Variants in PPP2R2A observed in about 807,000 individuals in gnomAD.
PPP2R2A encodes protein phosphatase 2 regulatory subunit Balpha, also known as serine/threonine-protein phosphatase 2A 55 kDa regulatory subunit B alpha isoform.
PPP2R2A carries 9 observed loss-of-function variants against 53.2 expected under a neutral mutation model. The ratio of observed to expected loss-of-function variants is 0.17; its 90% CI spans 0.10 to 0.30. The LOEUF is 0.30. PPP2R2A is among the 10% of genes least tolerant of loss of function. The pLI, the probability that PPP2R2A is intolerant of heterozygous loss-of-function variation, is 1.00. For missense variants in PPP2R2A, 235 were observed against 534.6 expected (o/e 0.44, Z 5.53); for synonymous variants, 169 against 174.2 (o/e 0.97, Z 0.23).
rs951566394 is a variant in PPP2R2A at position 26,291,555 on chromosome 8, T to TGCCGCC, written c.-257_-252dup. ...AAGTGGAGTCGCCTGCCCCTGCCGC[T>TGCCGCC]GCCGCCGCCGCCGTCGCTGTCGTAG... is the stretch of plus-strand genomic sequence containing the variant. On this transcript the variant is annotated 5_prime_UTR_variant, in exon 1 of 10. Transcript: ENST00000380737. The TGCCGCC allele has an allele frequency of 2.5e-4, 127 of 502,076 alleles. No homozygotes were observed. The highest frequency in any genetic ancestry group is 9.2e-4 in the Admixed American group (24 of 26,186). 31.1% of individuals were successfully genotyped at this position (502,076 alleles called of 1,614,324 possible).
At chr8:26,336,127 T>C (rs924201319) in intron 2 of PPP2R2A, among the ~76,000 whole-genome samples, 2 of 152,098 alleles carry the variant, frequency 1.3e-5, no homozygotes, top group Non-Finnish European at 2.9e-5. Flanking sequence ...CATAATAAAA[T>C]AGGTAAGGGC....
chr8:26,351,416 C>G (rs529872293), intron 3 of PPP2R2A, among the ~76,000 whole-genome samples: 19 of 152,198 alleles, frequency 1.2e-4, no homozygotes, highest in African/African-American at 4.6e-4. Context: ...GTAGAATTAA[C>G]TTCCTTAGTT....
chr8:26,304,825 G>A (rs1181861956), intron 2 of PPP2R2A, among the ~76,000 whole-genome samples: 1 of 151,986 alleles, frequency 6.6e-6, no homozygotes, highest in Non-Finnish European at 1.5e-5. Flanking sequence ...TGCTTGTTCT[G>A]TCTTTCTTCT....
In PPP2R2A at chr8:26,338,838, G is replaced by C; in HGVS notation, c.83-52G>C. ...AAACACGCTAAGTTCTGAAACTAGT[G>C]AGTCGGGAAAGAAAAACTAATATCT... is the stretch of plus-strand genomic sequence containing the variant. On this transcript the variant is annotated intron_variant, in intron 2 of 9. Transcript: ENST00000380737. The surrounding 1 kb of genome is among the most constrained non-coding windows in gnomAD (Gnocchi z 4.5). The C allele has an allele frequency of 7.8e-7, 1 of 1,287,992 alleles. No individual in the cohort carries two copies. The highest frequency in any genetic ancestry group is 1.1e-6 in the Non-Finnish European group (1 of 905,312). 79.8% of individuals were successfully genotyped at this position (1,287,992 alleles called of 1,614,324 possible). A position where few individuals can be genotyped will look rare whatever the true frequency, so the allele number is the denominator to read the frequency against.
intron 3 of PPP2R2A, among the ~76,000 whole-genome samples, chr8:26,351,058 G>A (rs1804477199): frequency 6.6e-6 from 1 of 152,016 alleles, no homozygotes; most frequent in Admixed American, 6.6e-5. Context: ...TCTGTGACTT[G>A]CCTTTTCATT....
intron 6 of PPP2R2A, among the ~76,000 whole-genome samples, chr8:26,361,537 T>TC (rs1805081832): frequency 6.6e-6 from 1 of 152,074 alleles, no homozygotes. Context: ...GGCCAGGAGT[T>TC]CAAGGTTTAC....
chr8:26,339,032 G>A (rs780854091), intron 3 of PPP2R2A, 45 bp downstream of exon 3: 1 of 1,407,872 alleles, frequency 7.1e-7, no homozygotes, highest in East Asian at 2.3e-5. Flanking sequence ...TTGATCTTAG[G>A]ACTAGAGCTT....
At chr8:26,294,472 G>C (rs1801454957) in intron 2 of PPP2R2A, among the ~76,000 whole-genome samples, 1 of 152,104 alleles carries the variant, frequency 6.6e-6, no homozygotes, top group South Asian at 2.1e-4. Context: ...ATTTGAGATG[G>C]TCTTAGGCAG....
chr8:26,322,625 T>C (rs1285217310), intron 2 of PPP2R2A, among the ~76,000 whole-genome samples: 1 of 151,730 alleles, frequency 6.6e-6, no homozygotes, highest in East Asian at 1.9e-4. Context: ...CCCAGCTGAG[T>C]AGTTAGCATC....
intron 7 of PPP2R2A, 23 bp from the exon 8 acceptor site, chr8:26,363,698 G>T: frequency 1.3e-6 from 2 of 1,537,260 alleles, no homozygotes; most frequent in Admixed American, 1.9e-5. Flanking sequence ...TGCCCTTTTT[G>T]TGTTGTTTTG....
In PPP2R2A at chr8:26,338,193, A is replaced by G. The variant is rs1585377242; in HGVS notation, c.83-697A>G. ...TAATTTAGACTTTTTTTCTTAGGAA[A>G]AGGGCTCTAGTGTGAAAAACCAAGA... On this transcript the variant is annotated intron_variant, in intron 2 of 9. Transcript: ENST00000380737. This position sits in a 1 kb window ranked among gnomAD's most constrained non-coding sequence, Gnocchi z 4.5. Among the ~76,000 whole-genome samples, 1 of 152,118 alleles carries G rather than the reference A, an allele frequency of 6.6e-6. No homozygotes were observed. The highest frequency in any genetic ancestry group is 1.5e-5 in the Non-Finnish European group (1 of 68,016).
intron 3 of PPP2R2A, among the ~76,000 whole-genome samples, chr8:26,347,007 G>A (rs1402357417): frequency 6.6e-6 from 1 of 152,142 alleles, no homozygotes; most frequent in Non-Finnish European, 1.5e-5. Context: ...TCCTTATCTG[G>A]AAGAGAAACT....
intron 9 of PPP2R2A, among the ~76,000 whole-genome samples, chr8:26,367,237 T>C (rs1452232920): frequency 6.6e-6 from 1 of 152,310 alleles, no homozygotes; most frequent in East Asian, 1.9e-4. Flanking sequence ...CCTAGAGTTC[T>C]GTTAATAGCA....
At position 26,362,721 on chromosome 8, in the gene PPP2R2A, A is replaced by G; in HGVS notation, c.675A>G (p.Leu225=). 2 of 1,614,128 alleles carry G rather than the reference A, an allele frequency of 1.2e-6. No homozygotes were observed. The highest frequency in any genetic ancestry group is 1.7e-6 in the Non-Finnish European group (2 of 1,179,996). ...VDIKPANMEE[L]TEVITAAEFH... The stretch of plus-strand genomic sequence containing the variant: ...TCAAGCCTGCCAATATGGAAGAGCT[A>G]ACAGAGGTGATTACAGCAGCAGAAT... The change falls in exon 7 of 10, where the codon CTA becomes CTG. Residue 225 remains leucine, a synonymous_variant. Coordinates refer to ENST00000380737, the MANE Select transcript of PPP2R2A (RefSeq NM_002717.4). This position sits in a 1 kb window ranked among gnomAD's most constrained non-coding sequence, Gnocchi z 4.4.
intron 1 of PPP2R2A, chr8:26,292,195 T>G: frequency 1.8e-6 from 2 of 1,123,962 alleles, no homozygotes; most frequent in Non-Finnish European, 1.1e-6. Flanking sequence ...TTATTTTTTT[T>G]TCCTGCAGGT....
At chr8:26,306,475 G>GA (rs35167661) in intron 2 of PPP2R2A, among the ~76,000 whole-genome samples, 1,087 of 108,122 alleles carry the variant, frequency 0.01, 4 homozygotes, top group Non-Finnish European at 0.014. Flanking sequence ...GACTCTGTCT[G>GA]AAAAAAAAAA....
intron 2 of PPP2R2A, among the ~76,000 whole-genome samples, chr8:26,299,363 A>G (rs995508734): frequency 6.6e-6 from 1 of 152,190 alleles, no homozygotes; most frequent in African/African-American, 2.4e-5. Flanking sequence ...AGATGTTATT[A>G]AATATTTAAT....
intron 3 of PPP2R2A, chr8:26,350,570 T>A (rs1804443035): frequency 6.6e-6 from 1 of 152,130 alleles, no homozygotes; most frequent in Non-Finnish European, 1.5e-5. Context: ...TTGACTAATT[T>A]TTTTTTTCTC....
At chr8:26,358,849 A>C in intron 4 of PPP2R2A, 1 of 444,620 alleles carries the variant, frequency 2.2e-6, no homozygotes, top group South Asian at 1.6e-5. Flanking sequence ...AGAATTCTAA[A>C]TAAGACGTGG....
Sources: gnomAD v4.1 joint callset for allele counts (sites outside exome capture counted in the v4.1 genomes callset) on GRCh38, gnomAD v4.1.1 for gene constraint, Gnocchi (gnomAD v3.1) non-coding constraint, MANE v1.5 for transcripts, NCBI Gene and HGNC (gene_info 2026-07-23, HGNC 2026-07-21) for gene names.